The following KDF1 variants were observed in gnomAD, a reference collection of about 807,000 sequenced individuals.
The protein encoded by KDF1 is RP11-344H11.3.
A neutral mutation model predicts 31.6 loss-of-function variants in KDF1; 11 were observed. That is an observed-to-expected ratio of 0.35 (90% CI 0.22 to 0.58). KDF1 has a LOEUF of 0.58. Ranked by LOEUF, KDF1 falls within the 20% of genes least tolerant of loss-of-function variation. The probability of loss-of-function intolerance (pLI) is 0.83; values close to 1 mark genes in which losing one functional copy is unlikely to be tolerated. For missense variants in KDF1, 476 were observed against 549.1 expected (o/e 0.87, Z 1.33); for synonymous variants, 205 against 214.4 (o/e 0.96, Z 0.38).
rs779213779 is a variant in KDF1, at chr1:26,950,796, G to C, written c.1040-40C>G. The C allele has an allele frequency of 1.9e-6, 3 of 1,570,792 alleles. No homozygotes were observed. Among genetic ancestry groups the C allele is most frequent in the Non-Finnish European group, 2.6e-6 (3 of 1,140,762 alleles). ...TGAGGCAAGCAGTGGTCATTAGCAC[G>C]TTCTTTCAACCCTATTTCCTACTTC... On this transcript the variant is annotated intron_variant, in intron 2 of 3. Transcript: ENST00000320567. The surrounding 1 kb of genome is among the most constrained non-coding windows in gnomAD (Gnocchi z 4.0).
At chr1:26,956,528 T>G (rs903941675) in intron 1 of KDF1, among the ~76,000 whole-genome samples, 4 of 152,170 alleles carry the variant, frequency 2.6e-5, no homozygotes, top group Non-Finnish European at 4.4e-5. Context: ...GAAGTATTCC[T>G]GTCAAAAATG....
chr1:26,959,548 G>A (rs1176512383), intron 1 of KDF1, among the ~76,000 whole-genome samples: 1 of 152,138 alleles, frequency 6.6e-6, no homozygotes, highest in Admixed American at 6.5e-5. Flanking sequence ...CAGTGGCCTT[G>A]CCCATGGGAG....
intron 1 of KDF1, among the ~76,000 whole-genome samples, chr1:26,959,676 A>AAC (rs370873135): frequency 1.2e-4 from 18 of 149,078 alleles, no homozygotes; most frequent in Middle Eastern, 3.4e-3. Flanking sequence ...TAGTCCCGCG[A>AAC]ACACACACAC....
Position 26,952,338 on chromosome 1 carries a change from G to A in KDF1, c.43C>T (p.Arg15Cys), listed in dbSNP as rs529561188. The A allele has an allele frequency of 4.5e-5, 69 of 1,521,252 alleles. No homozygotes were observed. Among genetic ancestry groups the A allele is most frequent in the Admixed American group, 8.6e-5 (4 of 46,778 alleles). 94.2% of individuals were successfully genotyped at this position (1,521,252 alleles called of 1,614,324 possible). A position where few individuals can be genotyped will look rare whatever the true frequency, so the allele number is the denominator to read the frequency against. Residue 15 changes from arginine (R) to cysteine (C), a missense_variant, in exon 2 of 4, where the codon CGC becomes TGC. Arg to Cys is a radical substitution (Grantham distance 180). Transcript: ENST00000320567. The surrounding 1 kb of genome is among the most constrained non-coding windows in gnomAD (Gnocchi z 4.1). ...GTTGGCCGCTCCCACGGTCCCAAGCGTGGAGGCCCAGATGCTGGGCGGGGG... is the reference window on the plus strand; with the variant it reads ...GTTGGCCGCTCCCACGGTCCCAAGCATGGAGGCCCAGATGCTGGGCGGGGG... ...GHPRPASGPP[R>C]LGPWERPTEL... is the part of the protein sequence containing the mutation.
chr1:26,952,339 TG>T lies in KDF1; in HGVS notation c.41del (p.Pro14HisfsTer234). On this transcript the variant is annotated frameshift_variant, in exon 2 of 4. Coordinates refer to ENST00000320567, the MANE Select transcript of KDF1 (RefSeq NM_152365.3). LOFTEE classifies it high-confidence loss of function. The surrounding 1 kb of genome is among the most constrained non-coding windows in gnomAD (Gnocchi z 4.1). ...PGHPRPASGP[P>X]RLGPWERPTE... ...TTGGCCGCTCCCACGGTCCCAAGCGTGGAGGCCCAGATGCTGGGCGGGGGTG... is the reference window on the plus strand; with the variant it reads ...TTGGCCGCTCCCACGGTCCCAAGCGTGAGGCCCAGATGCTGGGCGGGGGTG... The T allele has an allele frequency of 6.6e-7, 1 of 1,521,000 alleles. No individual in the cohort carries two copies. The highest frequency in any genetic ancestry group is 1.3e-5 in the South Asian group (1 of 76,546). The allele number at this position is 1,521,000 out of a possible 1,614,324, so 94.2% of individuals were successfully genotyped here. A position where few individuals can be genotyped will look rare whatever the true frequency, so the allele number is the denominator to read the frequency against.
In KDF1 at chr1:26,950,160, A is replaced by AAGGAG; in HGVS notation, c.1115-14_1115-10dup. 1.2e-6 allele frequency: 2 copies of AAGGAG among 1,611,660 alleles called. No individual in the cohort carries two copies. Among genetic ancestry groups the AAGGAG allele is most frequent in the East Asian group, 2.2e-5 (1 of 44,848 alleles). On this transcript the variant is annotated splice_polypyrimidine_tract_variant and intron_variant, in intron 3 of 3. Coordinates refer to ENST00000320567, the MANE Select transcript of KDF1 (RefSeq NM_152365.3). This position sits in a 1 kb window ranked among gnomAD's most constrained non-coding sequence, Gnocchi z 4.0. ...ATGGCTTGCTGGGTACCCTGGTAGG[A>AAGGAG]AGGAGAGGAGAGGAGGAAACAGGCT... is the stretch of plus-strand genomic sequence containing the variant.
At position 26,950,275 on chromosome 1, in the gene KDF1, C is replaced by G; in HGVS notation, c.1115-124G>C. On this transcript the variant is annotated intron_variant, in intron 3 of 3. Transcript: ENST00000320567. The surrounding 1 kb of genome is among the most constrained non-coding windows in gnomAD (Gnocchi z 4.0). Reference sequence around the variant, plus strand: ...GACTTGAGCCTGGGTCAGTCTGATCCTGGCTGGATGACCCACTCAGTTTAT... The same window carrying G: ...GACTTGAGCCTGGGTCAGTCTGATCGTGGCTGGATGACCCACTCAGTTTAT... The G allele has an allele frequency of 1.2e-6, 1 of 852,498 alleles. No homozygotes were observed. The highest frequency in any genetic ancestry group is 2.1e-5 in the Admixed American group (1 of 47,234). The allele number at this position is 852,498 out of a possible 1,614,324, so 52.8% of individuals were successfully genotyped here. A position where few individuals can be genotyped will look rare whatever the true frequency, so the allele number is the denominator to read the frequency against.
intron 1 of KDF1, among the ~76,000 whole-genome samples, chr1:26,959,996 C>T (rs2082393972): frequency 6.6e-6 from 1 of 152,188 alleles, no homozygotes; most frequent in Admixed American, 6.5e-5. Flanking sequence ...CTACCCTCTC[C>T]AGCTGCAAGG....
Position 26,950,253 on chromosome 1 carries a change from T to A in KDF1, c.1115-102A>T. On this transcript the variant is annotated intron_variant, in intron 3 of 3. Coordinates refer to ENST00000320567, the MANE Select transcript of KDF1 (RefSeq NM_152365.3). The surrounding 1 kb of genome is among the most constrained non-coding windows in gnomAD (Gnocchi z 4.0). ...CTGCTGAGAAGGAGCAGAGTGGGAC[T>A]TGAGCCTGGGTCAGTCTGATCCTGG... is the stretch of plus-strand genomic sequence containing the variant. 9.0e-7 allele frequency: 1 copy of A among 1,111,346 alleles called. No individual in the cohort carries two copies. The highest frequency in any genetic ancestry group is 1.4e-6 in the Non-Finnish European group (1 of 734,082). The allele number at this position is 1,111,346 out of a possible 1,614,324, so 68.8% of individuals were successfully genotyped here.
At position 26,951,886 on chromosome 1, in the gene KDF1, C is replaced by T; in HGVS notation, c.495G>A (p.Lys165=). The T allele has an allele frequency of 1.2e-6, 2 of 1,611,252 alleles. No individual in the cohort carries two copies. The highest frequency in any genetic ancestry group is 1.7e-6 in the Non-Finnish European group (2 of 1,178,106). The change falls in exon 2 of 4, where the codon AAG becomes AAA. Residue 165 remains lysine (K), a synonymous_variant. Coordinates refer to ENST00000320567, the MANE Select transcript of KDF1 (RefSeq NM_152365.3). The surrounding 1 kb of genome is among the most constrained non-coding windows in gnomAD (Gnocchi z 5.4). ...MGSSFSYPDV[K]LKGIPVYPYP... ...AGGGATACACAGGGATGCCTTTGAG[C>T]TTAACATCGGGGTAGCTGAAGCTGC...
intron 1 of KDF1, among the ~76,000 whole-genome samples, chr1:26,955,427 T>C (rs2082373348): frequency 1.3e-5 from 2 of 152,202 alleles, no homozygotes; most frequent in Non-Finnish European, 2.9e-5. Flanking sequence ...CTAGCAACAT[T>C]TAACACCAAC....
At chr1:26,959,330 C>T (rs1360037976) in intron 1 of KDF1, among the ~76,000 whole-genome samples, 1 of 152,142 alleles carries the variant, frequency 6.6e-6, no homozygotes, top group Non-Finnish European at 1.5e-5. Flanking sequence ...TCTCCCCGAC[C>T]CTGCTGCCAC....
At chr1:26,958,991 A>G (rs2082389337) in intron 1 of KDF1, among the ~76,000 whole-genome samples, 2 of 152,250 alleles carry the variant, frequency 1.3e-5, no homozygotes, top group South Asian at 4.1e-4. Context: ...ACAGCAGTGA[A>G]TGGGCCAGAG....
chr1:26,956,243 C>A (rs2082376856), intron 1 of KDF1, among the ~76,000 whole-genome samples: 1 of 152,112 alleles, frequency 6.6e-6, no homozygotes, highest in Non-Finnish European at 1.5e-5. Flanking sequence ...AGTTCCAGTT[C>A]TGGCCCTAAT....
chr1:26,954,086 G>C (rs2124160771), intron 1 of KDF1, among the ~76,000 whole-genome samples: 1 of 152,254 alleles, frequency 6.6e-6, no homozygotes, highest in South Asian at 2.1e-4. Flanking sequence ...TGGGGAGTTA[G>C]TGTTGAATGG....
At chr1:26,959,319 A>T (rs1375090771) in intron 1 of KDF1, among the ~76,000 whole-genome samples, 3 of 152,032 alleles carry the variant, frequency 2.0e-5, no homozygotes, top group Admixed American at 6.6e-5. Context: ...TCCAGGCTGT[A>T]TCTCCCCGAC....
intron 1 of KDF1, among the ~76,000 whole-genome samples, chr1:26,954,528 G>A (rs1461739281): frequency 6.6e-6 from 1 of 151,312 alleles, no homozygotes; most frequent in African/African-American, 2.4e-5. Context: ...CTGGCCAAAT[G>A]TGGTTTCTTT....
At chr1:26,954,396 G>A (rs2082367325) in intron 1 of KDF1, among the ~76,000 whole-genome samples, 1 of 151,762 alleles carries the variant, frequency 6.6e-6, no homozygotes, top group Admixed American at 6.6e-5. Context: ...GCTAAGTTTT[G>A]TATTTTTAGT....
Position 26,950,141 on chromosome 1 carries a change from T to G in KDF1, c.1125A>C (p.Ala375=). Residue 375 remains alanine, a synonymous_variant, in exon 4 of 4, where the codon GCA becomes GCC. Transcript: ENST00000320567. This position sits in a 1 kb window ranked among gnomAD's most constrained non-coding sequence, Gnocchi z 4.0. ...TGCCCTGGAAGGATGAGTCATGGCT[T>G]GCTGGGTACCCTGGTAGGAAGGAGA... ...LRPYGAPGYP[A]SHDSSFQGTD... is the part of the protein sequence containing the mutation. 2 of 1,613,668 alleles carry G rather than the reference T, an allele frequency of 1.2e-6. No homozygotes were observed. Among genetic ancestry groups the G allele is most frequent in the Non-Finnish European group, 1.7e-6 (2 of 1,179,714 alleles).
Sources: gnomAD v4.1 joint callset for allele counts (sites outside exome capture counted in the v4.1 genomes callset) on GRCh38, gnomAD v4.1.1 for gene constraint, Gnocchi (gnomAD v3.1) non-coding constraint, MANE v1.5 for transcripts, NCBI Gene and HGNC (gene_info 2026-07-23, HGNC 2026-07-21) for gene names.